The following ITPA variants were observed in gnomAD, a reference collection of about 807,000 sequenced individuals.
ITPA encodes inosine triphosphatase.
ITPA carries 29 observed loss-of-function variants against 29.6 expected under a neutral mutation model. That is an observed-to-expected ratio of 0.98 (90% CI 0.73 to 1.34). The LOEUF (loss-of-function observed/expected upper bound fraction) is 1.34, where lower values mean the gene tolerates loss of function less well. Ranked by LOEUF, ITPA falls within the 40% of genes most tolerant of loss-of-function variation. The probability of loss-of-function intolerance (pLI) is 0.00; values close to 1 mark genes in which losing one functional copy is unlikely to be tolerated. For synonymous variants in ITPA, 103 were observed against 99.3 expected, an observed-to-expected ratio of 1.04 and a Z score of -0.22; for missense variants, 241 against 251.5, an observed-to-expected ratio of 0.96 and a Z score of 0.28.
chr20:3,210,973 C>A (rs1359994084), intron 1 of ITPA, among the ~76,000 whole-genome samples: 2 of 150,856 alleles, frequency 1.3e-5, no homozygotes, highest in African/African-American at 4.9e-5. Flanking sequence ...ATCGCTTGAA[C>A]CTAGGAAGCG....
chr20:3,223,268 T>G, intron 7 of ITPA, 98 bp from the exon 8 acceptor site: 283 of 881,764 alleles, frequency 3.2e-4, no homozygotes, highest in Non-Finnish European at 4.9e-4. Flanking sequence ...TTGGGGTCTG[T>G]GAGCTTTGGT....
chr20:3,222,136 G>A (rs1409005840), intron 7 of ITPA, among the ~76,000 whole-genome samples: 1 of 152,148 alleles, frequency 6.6e-6, no homozygotes, highest in Non-Finnish European at 1.5e-5. Flanking sequence ...AGAGTCCTGG[G>A]CTCTAAGGCT....
chr20:3,220,352 TCTC>T, intron 6 of ITPA, among the ~76,000 whole-genome samples: 1 of 152,060 alleles, frequency 6.6e-6, no homozygotes, highest in African/African-American at 2.4e-5. Flanking sequence ...TTCAAGCAAT[TCTC>T]CTGCCTCAGC....
chr20:3,216,157 G>GT (rs71331043), intron 5 of ITPA, among the ~76,000 whole-genome samples: 37,181 of 109,102 alleles, frequency 0.34, 6,751 homozygotes, highest in South Asian at 0.54. Context: ...CGCTGGCTAA[G>GT]TTTTTTTTTT....
downstream of ITPA, among the ~76,000 whole-genome samples, chr20:3,224,247 A>C (rs940026341): frequency 2.6e-5 from 4 of 152,146 alleles, no homozygotes; most frequent in Non-Finnish European, 4.4e-5. Context: ...CCTCGACCCC[A>C]CTCGGCGTGA....
intron 5 of ITPA, 54 bp from the exon 6 acceptor site, chr20:3,218,463 G>T (rs909898764): frequency 1.6e-6 from 2 of 1,236,792 alleles, no homozygotes; most frequent in African/African-American, 1.5e-5. Flanking sequence ...TCTTGGGAGT[G>T]GGGGTGGGAG....
At chr20:3,224,375 G>C (rs1244060022), downstream of ITPA, among the ~76,000 whole-genome samples, 1 of 152,156 alleles carries the variant, frequency 6.6e-6, no homozygotes, top group Non-Finnish European at 1.5e-5. Context: ...AGGTGGCTCC[G>C]TTGTCAGAGT....
At chr20:3,225,610 T>G (rs2067546591), downstream of ITPA, among the ~76,000 whole-genome samples, 2 of 152,178 alleles carry the variant, frequency 1.3e-5, no homozygotes, top group African/African-American at 4.8e-5. Context: ...GTGCATCTCT[T>G]CATCTGAATT....
In ITPA at chr20:3,218,807, A is replaced by C; in HGVS notation, c.411+175A>C. ...CATAGGTAGAAGTGCTGTGGATCCT[A>C]GGAGGGTGGTGGAAAGGGTTCCCTG... On this transcript the variant is annotated intron_variant, in intron 6 of 7. Transcript: ENST00000380113. 5 of 662,950 alleles carry C rather than the reference A, an allele frequency of 7.5e-6. No individual in the cohort carries two copies. In the South Asian group the frequency reaches 8.2e-5, roughly 11 times the overall value. The allele number at this position is 662,950 out of a possible 1,614,324, so 41.1% of individuals were successfully genotyped here.
rs567367339 is a variant in ITPA, at chr20:3,213,473, G to A, written c.189+90G>A. On this transcript the variant is annotated intron_variant, in intron 3 of 7. Transcript: ENST00000380113. ...TGCTAGAAACAATAGAGTAGACACA[G>A]TTTGTTGAGCTTTCTAGGACCGGCC... 3 of 1,513,698 alleles carry A rather than the reference G, an allele frequency of 2.0e-6. No individual in the cohort carries two copies. The South Asian group carries it at 3.4e-5, about 17-fold the overall frequency. 93.8% of individuals were successfully genotyped at this position (1,513,698 alleles called of 1,614,324 possible).
intron 4 of ITPA, among the ~76,000 whole-genome samples, chr20:3,214,410 C>T (rs1438685467): frequency 1.4e-5 from 2 of 143,380 alleles, no homozygotes; most frequent in South Asian, 2.2e-4. Context: ...GTTACCCAGA[C>T]GGCTGGAGTG....
downstream of ITPA, chr20:3,227,268 T>C (rs1425294237): frequency 5.6e-6 from 1 of 178,814 alleles, no homozygotes; most frequent in Non-Finnish European, 1.2e-5. Flanking sequence ...TGTTTCACTG[T>C]TGGGCCAGCA....
upstream of ITPA, chr20:3,204,833 T>C: frequency 1.8e-6 from 1 of 559,310 alleles, no homozygotes; most frequent in Non-Finnish European, 3.2e-6. Context: ...TAGCAGACGG[T>C]ATGTCCAGTA....
At chr20:3,204,523 G>A (rs750015107), upstream of ITPA, 2 of 1,552,006 alleles carry the variant, frequency 1.3e-6, no homozygotes, top group African/African-American at 2.7e-5. Context: ...CCCTGGTGCA[G>A]CGGCATCTCC....
chr20:3,205,090 T>C (rs1198521477), upstream of ITPA, among the ~76,000 whole-genome samples: 1 of 152,128 alleles, frequency 6.6e-6, no homozygotes, highest in Non-Finnish European at 1.5e-5. Context: ...GACCTTGTGA[T>C]CCACCCACCT....
intron 1 of ITPA, among the ~76,000 whole-genome samples, chr20:3,210,015 A>C (rs1488054276): frequency 6.6e-6 from 1 of 152,116 alleles, no homozygotes; most frequent in African/African-American, 2.4e-5. Flanking sequence ...GGACCCAGAG[A>C]GGGCGTGGGA....
rs769228841 is a variant in ITPA, at chr20:3,221,949, T to G, written c.488+32T>G. The G allele has an allele frequency of 5.6e-6, 9 of 1,603,680 alleles. No individual in the cohort carries two copies. The East Asian group carries it at 1.6e-4, about 28-fold the overall frequency. On this transcript the variant is annotated intron_variant, in intron 7 of 7. Coordinates refer to ENST00000380113, the MANE Select transcript of ITPA (RefSeq NM_033453.4). ...AGCCCTGCTTTTCTTCCCTGGGGTGTGGGGTTGGTACAGCCATGGTTTGGG... is the reference window on the plus strand; with the variant it reads ...AGCCCTGCTTTTCTTCCCTGGGGTGGGGGGTTGGTACAGCCATGGTTTGGG...
At chr20:3,217,924 T>TTTTTC (rs150919712) in intron 5 of ITPA, among the ~76,000 whole-genome samples, 34,833 of 146,122 alleles carry the variant, frequency 0.24, 3,531 homozygotes, top group South Asian at 0.47. Context: ...TTGTTTTTGT[T>TTTTTC]TTTTCTTTCC....
At chr20:3,226,103 A>C (rs914027758), downstream of ITPA, among the ~76,000 whole-genome samples, 3 of 152,168 alleles carry the variant, frequency 2.0e-5, no homozygotes, top group Admixed American at 2.0e-4. This position sits in a 1 kb window ranked among gnomAD's most constrained non-coding sequence, Gnocchi z 4.4. Context: ...AATTGAACCT[A>C]AAAGAGGAGT....
Sources: allele counts gnomAD v4.1 joint callset (sites outside exome capture counted in the v4.1 genomes callset), GRCh38; gene constraint gnomAD v4.1.1; non-coding constraint Gnocchi (gnomAD v3.1); transcripts MANE v1.5; gene names NCBI Gene and HGNC (gene_info 2026-07-23, HGNC 2026-07-21).